Variants in FAM78A observed in about 807,000 individuals in gnomAD.
FAM78A encodes the protein family with sequence similarity 78 member A, also known as protein FAM78A.
Under a neutral mutation model 22.6 loss-of-function variants are expected in FAM78A, and 12 were observed. That is an observed-to-expected ratio of 0.53 (90% confidence interval 0.34 to 0.86). The LOEUF is 0.86. FAM78A is among the 40% of genes least tolerant of loss of function. FAM78A has a pLI of 0.02. For synonymous variants in FAM78A, 151 were observed against 155.8 expected, an observed-to-expected ratio of 0.97 and a Z score of 0.23; for missense variants, 322 against 396.1, an observed-to-expected ratio of 0.81 and a Z score of 1.59.
In FAM78A at chr9:131,276,026, T is replaced by C. The variant is rs1835479586; in HGVS notation, c.154A>G (p.Thr52Ala). The C allele has an allele frequency of 6.2e-7, 1 of 1,613,700 alleles. No individual in the cohort carries two copies. Among genetic ancestry groups the C allele is most frequent in the East Asian group, 2.2e-5 (1 of 44,880 alleles). ...DVKASIDPVP[T>A]SIDESSSVVL... ...ACGCTGGAGGACTCATCGATGCTAG[T>C]GGGGACGGGGTCGATGGAGGCTTTC... Residue 52 changes from threonine to alanine, a missense_variant, in exon 1 of 2, where the codon ACT becomes GCT. Physicochemically the swap from Thr to Ala is moderately conservative, Grantham distance 58 (BLOSUM62 0). Transcript: ENST00000372271. The surrounding 1 kb of genome is among the most constrained non-coding windows in gnomAD (Gnocchi z 4.3).
Position 131,276,254 on chromosome 9 carries a change from T to A in FAM78A, c.-75A>T. ...TCTCAACTCTCAAGACCGATATCCA[T>A]AGGATAGAAAACTCACTGAGTAGAC... On this transcript the variant is annotated 5_prime_UTR_variant, in exon 1 of 2. An upstream start codon of the reference 5' UTR is lost. Transcript: ENST00000372271. The surrounding 1 kb of genome is among the most constrained non-coding windows in gnomAD (Gnocchi z 4.3). The A allele has an allele frequency of 1.5e-6, 2 of 1,296,784 alleles. No homozygotes were observed. The highest frequency in any genetic ancestry group is 1.1e-6 in the Non-Finnish European group (1 of 934,636). 80.3% of individuals were successfully genotyped at this position (1,296,784 alleles called of 1,614,324 possible).
Position 131,260,663 on chromosome 9 carries a change from G to A in FAM78A, c.*159C>T. On this transcript the variant is annotated 3_prime_UTR_variant, in exon 2 of 2. Transcript: ENST00000372271. This position sits in a 1 kb window ranked among gnomAD's most constrained non-coding sequence, Gnocchi z 5.4. ...CTCCCTGAAAGGAAGCAGGTGCCGA[G>A]AGCCGGGGAGGCCTTCCCGGGGGCA... The A allele has an allele frequency of 1.3e-6, 1 of 794,932 alleles. No homozygotes were observed. The highest frequency in any genetic ancestry group is 1.9e-6 in the Non-Finnish European group (1 of 538,092). The allele number at this position is 794,932 out of a possible 1,614,324, so 49.2% of individuals were successfully genotyped here.
At position 131,273,630 on chromosome 9, in the gene FAM78A, G is replaced by A. The variant is rs563230093; in HGVS notation, c.323+2227C>T. On this transcript the variant is annotated intron_variant, in intron 1 of 1. Coordinates refer to ENST00000372271, the MANE Select transcript of FAM78A (RefSeq NM_033387.4). ...GTGACAGAGAAAGACTCGGCCTGGG[G>A]AGAAAATTCACTACACGGTGTGGCT... Among the ~76,000 whole-genome samples, 8 of 152,330 alleles carry A rather than the reference G, an allele frequency of 5.3e-5. No individual in the cohort carries two copies. In the South Asian group the frequency reaches 1.0e-3, roughly 20 times the overall value.
rs773718656 is a variant in FAM78A at position 131,275,834 on chromosome 9, A to G, written c.323+23T>C. ...CTCGGCCATCCCTAGCAGTTCCCAG[A>G]GCTGGCTCTCGGCCGTACTCACATG... On this transcript the variant is annotated intron_variant, in intron 1 of 1. Coordinates refer to ENST00000372271, the MANE Select transcript of FAM78A (RefSeq NM_033387.4). The surrounding 1 kb of genome is among the most constrained non-coding windows in gnomAD (Gnocchi z 4.6). 6.4e-7 allele frequency: 1 copy of G among 1,552,762 alleles called. No individual in the cohort carries two copies. Among genetic ancestry groups the G allele is most frequent in the Admixed American group, 1.8e-5 (1 of 54,330 alleles).
At position 131,276,278 on chromosome 9, in the gene FAM78A, A is replaced by G. The variant is rs959845434; in HGVS notation, c.-99T>C. 1.0e-5 allele frequency: 10 copies of G among 990,438 alleles called. No homozygotes were observed. Among genetic ancestry groups the G allele is most frequent in the Non-Finnish European group, 1.5e-5 (10 of 675,670 alleles). 61.4% of individuals were successfully genotyped at this position (990,438 alleles called of 1,614,324 possible). ...ATAGGATAGAAAACTCACTGAGTAG[A>G]CTGGGGTTGCATATATCACTACCGC... On this transcript the variant is annotated 5_prime_UTR_variant, in exon 1 of 2. Coordinates refer to ENST00000372271, the MANE Select transcript of FAM78A (RefSeq NM_033387.4). This position sits in a 1 kb window ranked among gnomAD's most constrained non-coding sequence, Gnocchi z 4.3.
intron 1 of FAM78A, among the ~76,000 whole-genome samples, chr9:131,267,361 G>A (rs1020515889): frequency 6.6e-6 from 1 of 152,106 alleles, no homozygotes; most frequent in Non-Finnish European, 1.5e-5. Context: ...AGAGACCCTC[G>A]CCTGTACGAA....
At position 131,258,669 on chromosome 9, in the gene FAM78A, G is replaced by A. The variant is rs1835220206; in HGVS notation, c.*2153C>T. On this transcript the variant is annotated 3_prime_UTR_variant, in exon 2 of 2. Transcript: ENST00000372271. The stretch of plus-strand genomic sequence containing the variant: ...CTGAGACCCGCTTCCTGAACCCCCA[G>A]GGTCCTGTCCCTGCTTTAGTGCAAC... The A allele has an allele frequency of 6.6e-6, 1 of 152,294 alleles. No individual in the cohort carries two copies. The highest frequency in any genetic ancestry group is 2.4e-5 in the African/African-American group (1 of 41,452). 9.4% of individuals were successfully genotyped at this position (152,294 alleles called of 1,614,324 possible). A position where few individuals can be genotyped will look rare whatever the true frequency, so the allele number is the denominator to read the frequency against.
Position 131,276,127 on chromosome 9 carries a change from A to G in FAM78A, c.53T>C (p.Leu18Pro), listed in dbSNP as rs1835481175. 5 of 1,613,630 alleles carry G rather than the reference A, an allele frequency of 3.1e-6. No homozygotes were observed. The highest frequency in any genetic ancestry group is 4.2e-6 in the Non-Finnish European group (5 of 1,179,996). Residue 18 changes from leucine to proline, a missense_variant, in exon 1 of 2, where the codon CTG becomes CCG. Physicochemically the swap from Leu to Pro is moderately conservative, Grantham distance 98 (BLOSUM62 -3). Coordinates refer to ENST00000372271, the MANE Select transcript of FAM78A (RefSeq NM_033387.4). The surrounding 1 kb of genome is among the most constrained non-coding windows in gnomAD (Gnocchi z 4.3). ...GCTCTGAATACAGCCCATGGCATAC[A>G]GGAGCGCTCTGATCTCCAGGGAAGG... ...CWPSLEIRAL[L>P]YAMGCIQSIG...
chr9:131,264,809 G>C (rs1374140094), intron 1 of FAM78A: 1 of 534,172 alleles, frequency 1.9e-6, no homozygotes, highest in Non-Finnish European at 3.3e-6. Flanking sequence ...CTGCAGCCTC[G>C]GCCTCCCAGG....
chr9:131,278,406 G>A (rs1006108619), upstream of FAM78A, among the ~76,000 whole-genome samples: 29 of 152,170 alleles, frequency 1.9e-4, no homozygotes, highest in African/African-American at 7.0e-4. Context: ...GAGACAGCGC[G>A]GGGGCTTTGT....
chr9:131,275,856 C>A lies in FAM78A; in HGVS notation c.323+1G>T, dbSNP rs2131198063. The A allele has an allele frequency of 1.3e-6, 2 of 1,583,146 alleles. No homozygotes were observed. Among genetic ancestry groups the A allele is most frequent in the Non-Finnish European group, 8.6e-7 (1 of 1,162,694 alleles). On this transcript the variant is annotated splice_donor_variant, in intron 1 of 1. Coordinates refer to ENST00000372271, the MANE Select transcript of FAM78A (RefSeq NM_033387.4). LOFTEE classifies it high-confidence loss of function. The surrounding 1 kb of genome is among the most constrained non-coding windows in gnomAD (Gnocchi z 4.6). ...CAGAGCTGGCTCTCGGCCGTACTCA[C>A]ATGCCCTGCTCGCCGTACTGGTTGT...
In FAM78A at chr9:131,270,713, C is replaced by G. The variant is rs118185773; in HGVS notation, c.323+5144G>C. 3.4e-3 allele frequency among the ~76,000 whole-genome samples: 517 copies of G among 151,698 alleles called. 1 individual carries two copies. Among genetic ancestry groups the G allele is most frequent in the Non-Finnish European group, 5.4e-3 (369 of 67,924 alleles). Reference sequence around the variant, plus strand: ...TCCTCCTCAATTGTTCTTTGCACAACTGACGCTCAGACCCCGGCTTCAGGA... The same window carrying G: ...TCCTCCTCAATTGTTCTTTGCACAAGTGACGCTCAGACCCCGGCTTCAGGA... On this transcript the variant is annotated intron_variant, in intron 1 of 1. Transcript: ENST00000372271.
Position 131,275,848 on chromosome 9 carries a change from C to G in FAM78A, c.323+9G>C, listed in dbSNP as rs1469159623. On this transcript the variant is annotated intron_variant, in intron 1 of 1. Coordinates refer to ENST00000372271, the MANE Select transcript of FAM78A (RefSeq NM_033387.4). The surrounding 1 kb of genome is among the most constrained non-coding windows in gnomAD (Gnocchi z 4.6). Reference sequence around the variant, plus strand: ...GCAGTTCCCAGAGCTGGCTCTCGGCCGTACTCACATGCCCTGCTCGCCGTA... The same window carrying G: ...GCAGTTCCCAGAGCTGGCTCTCGGCGGTACTCACATGCCCTGCTCGCCGTA... The G allele has an allele frequency of 6.4e-7, 1 of 1,570,046 alleles. No homozygotes were observed. Among genetic ancestry groups the G allele is most frequent in the Non-Finnish European group, 8.7e-7 (1 of 1,155,572 alleles).
At chr9:131,278,524 G>T (rs1441358282), upstream of FAM78A, among the ~76,000 whole-genome samples, 1 of 152,176 alleles carries the variant, frequency 6.6e-6, no homozygotes, top group East Asian at 1.9e-4. Flanking sequence ...TGTGTGATGA[G>T]CGCTGTACAG....
At chr9:131,280,830 C>T (rs1835537684), upstream of FAM78A, among the ~76,000 whole-genome samples, 1 of 152,208 alleles carries the variant, frequency 6.6e-6, no homozygotes, top group African/African-American at 2.4e-5. Context: ...ACAGCATCTT[C>T]ATGGCTTTCC....
rs61737026 is a variant in FAM78A at position 131,261,332 on chromosome 9, G to A, written c.342C>T (p.Pro114=). 2,803 of 1,591,478 alleles carry A rather than the reference G, an allele frequency of 1.8e-3. 11 individuals carry two copies. Among genetic ancestry groups the A allele is most frequent in the South Asian group, 8.7e-3 (781 of 90,052 alleles). The stretch of plus-strand genomic sequence containing the variant: ...CTTGGATCTTGCCCTCCTGGAGGTC[G>A]GGGAGCTCCCAGCTGGACCTGAGGA... The part of the protein sequence containing the change: ...GEQGMSSWEL[P]DLQEGKIQAI... The change falls in exon 2 of 2, where the codon CCC becomes CCT. Residue 114 remains proline (P), a synonymous_variant. Coordinates refer to ENST00000372271, the MANE Select transcript of FAM78A (RefSeq NM_033387.4). The surrounding 1 kb of genome is among the most constrained non-coding windows in gnomAD (Gnocchi z 7.1).
upstream of FAM78A, among the ~76,000 whole-genome samples, chr9:131,278,704 G>A (rs377527905): frequency 1.3e-5 from 2 of 152,362 alleles, no homozygotes; most frequent in Admixed American, 1.3e-4. Flanking sequence ...AGGCTGTACA[G>A]CCATGGGAGA....
chr9:131,262,562 C>G (rs1588196597), intron 1 of FAM78A: 1 of 151,076 alleles, frequency 6.6e-6, no homozygotes, highest in African/African-American at 2.4e-5. Flanking sequence ...CTGGCCAACA[C>G]AGTGAGACCC....
At chr9:131,267,558 T>A (rs892588477) in intron 1 of FAM78A, among the ~76,000 whole-genome samples, 1 of 151,934 alleles carries the variant, frequency 6.6e-6, no homozygotes, top group Non-Finnish European at 1.5e-5. Context: ...TCAACTAAAT[T>A]TAGAAACAAC....
Sources: gnomAD v4.1 joint callset for allele counts (sites outside exome capture counted in the v4.1 genomes callset) on GRCh38, gnomAD v4.1.1 for gene constraint, Gnocchi (gnomAD v3.1) non-coding constraint, MANE v1.5 for transcripts, NCBI Gene and HGNC (gene_info 2026-07-23, HGNC 2026-07-21) for gene names.